TENM2: variants seen among roughly 807,000 people sequenced by gnomAD.
The protein encoded by TENM2 is teneurin-2.
In TENM2, 52 loss-of-function variants were observed where a neutral mutation model predicts 245.2. The ratio of observed to expected loss-of-function variants is 0.21; its 90% CI spans 0.17 to 0.27. TENM2 has a LOEUF of 0.27. Among genes scored for constraint, TENM2 ranks in the 10% least tolerant of loss-of-function variants. TENM2 has a pLI of 1.00. For missense variants in TENM2, 3,046 were observed against 3,666.8 expected (o/e 0.83, Z 4.37); for synonymous variants, 1,363 against 1,438.9 (o/e 0.95, Z 1.19).
chr5:167,637,060 G>A lies in TENM2; in HGVS notation c.503-238926G>A, dbSNP rs147147404. On this transcript the variant is annotated intron_variant, in intron 2 of 28. Coordinates refer to ENST00000518659, the Ensembl canonical transcript of TENM2. ...TTCATTGCCTCTGTTGCTCATGCAC[G>A]ATATGGGGGAAACAAAATCATCTAT... is the stretch of plus-strand genomic sequence containing the variant. Among the ~76,000 whole-genome samples the A allele has an allele frequency of 3.2e-3, 480 of 152,210 alleles. 2 individuals are homozygous for A. The highest frequency in any genetic ancestry group is 6.0e-3 in the Non-Finnish European group (407 of 68,014).
intron 2 of TENM2, among the ~76,000 whole-genome samples, chr5:167,661,576 A>C (rs1236315680): frequency 6.6e-6 from 1 of 152,226 alleles, no homozygotes; most frequent in Non-Finnish European, 1.5e-5. Context: ...TTCACAAACT[A>C]TACATCTTAT....
intron 23 of TENM2, among the ~76,000 whole-genome samples, chr5:168,223,570 C>T (rs1444857999): frequency 4.6e-5 from 7 of 150,578 alleles, no homozygotes; most frequent in South Asian, 2.1e-4. Context: ...CAGGTTCAAG[C>T]GATTCTCCTG....
chr5:167,360,011 G>A (rs1397372917), intron 1 of TENM2, among the ~76,000 whole-genome samples: 1 of 152,146 alleles, frequency 6.6e-6, no homozygotes, highest in Non-Finnish European at 1.5e-5. Flanking sequence ...AGACACTGGG[G>A]TCTACCTCAG....
the TENM2 span, among the ~76,000 whole-genome samples, chr5:166,998,788 C>T: frequency 5.9e-5 from 9 of 152,174 alleles, no homozygotes; most frequent in South Asian, 4.2e-4. Flanking sequence ...TTAAGAAATT[C>T]GATTCTTTGG....
intron 2 of TENM2, among the ~76,000 whole-genome samples, chr5:167,541,552 T>C (rs146686605): frequency 1.3e-5 from 2 of 152,282 alleles, no homozygotes; most frequent in East Asian, 1.9e-4. Context: ...TAAAGAGAGA[T>C]AGCCGTCTCA....
chr5:167,469,417 T>C (rs919010994), intron 2 of TENM2, among the ~76,000 whole-genome samples: 4 of 152,164 alleles, frequency 2.6e-5, no homozygotes, highest in South Asian at 4.1e-4. Flanking sequence ...ATTAAATTAA[T>C]GTTATAAATC....
intron 2 of TENM2, among the ~76,000 whole-genome samples, chr5:167,420,079 T>C (rs557935907): frequency 6.6e-6 from 1 of 152,328 alleles, no homozygotes; most frequent in African/African-American, 2.4e-5. Flanking sequence ...GTTTTATACT[T>C]TGCAAAAGGT....
the TENM2 span, among the ~76,000 whole-genome samples, chr5:167,050,667 G>T: frequency 6.6e-6 from 1 of 152,112 alleles, no homozygotes; most frequent in Non-Finnish European, 1.5e-5. Flanking sequence ...CAGAGAGGGG[G>T]CGCTGCTCAG....
At chr5:167,057,491 G>T in the TENM2 span, among the ~76,000 whole-genome samples, 9 of 152,216 alleles carry the variant, frequency 5.9e-5, no homozygotes, top group African/African-American at 2.2e-4. Context: ...CAGGAGAGGG[G>T]TGTTTTATAT....
chr5:168,039,880 G>A (rs1184784697), intron 5 of TENM2, among the ~76,000 whole-genome samples: 1 of 152,034 alleles, frequency 6.6e-6, no homozygotes, highest in Non-Finnish European at 1.5e-5. Context: ...ACCTGCAGCA[G>A]CGGGTTCCAG....
chr5:167,982,957 G>A (rs1235726543), intron 4 of TENM2, among the ~76,000 whole-genome samples: 2 of 152,264 alleles, frequency 1.3e-5, no homozygotes, highest in African/African-American at 4.8e-5. Flanking sequence ...GTCTGAGGGT[G>A]TGCATTTTTT....
intron 3 of TENM2, among the ~76,000 whole-genome samples, chr5:167,883,675 C>T (rs1469933702): frequency 3.9e-5 from 6 of 152,168 alleles, no homozygotes; most frequent in Non-Finnish European, 8.8e-5. Context: ...AAAAGATGTC[C>T]TAGGCAAGCC....
intron 2 of TENM2, among the ~76,000 whole-genome samples, chr5:167,429,607 CTTTT>C (rs10587909): frequency 5.1e-5 from 4 of 78,704 alleles, no homozygotes; most frequent in Non-Finnish European, 2.4e-5. Flanking sequence ...CTCTCTCTCT[CTTTT>C]TTTTTTTTTT....
chr5:167,445,336 T>TATAG (rs368881390), intron 2 of TENM2, among the ~76,000 whole-genome samples: 1,077 of 77,064 alleles, frequency 0.014, 6 homozygotes, highest in Non-Finnish European at 0.018. Flanking sequence ...TATATATATA[T>TATAG]AGAGAGAGAG....
the TENM2 span, among the ~76,000 whole-genome samples, chr5:167,115,176 C>G: frequency 6.6e-6 from 1 of 152,100 alleles, no homozygotes; most frequent in African/African-American, 2.4e-5. Flanking sequence ...GGAAAGATCA[C>G]AGGAAGGAGA....
intron 6 of TENM2, among the ~76,000 whole-genome samples, chr5:168,052,759 G>A (rs866855126): frequency 5.9e-5 from 9 of 151,762 alleles, no homozygotes; most frequent in South Asian, 4.2e-4. Context: ...TACCATTCTC[G>A]GTTTATAACT....
chr5:167,972,367 A>G (rs945256908), intron 4 of TENM2, among the ~76,000 whole-genome samples: 4 of 152,214 alleles, frequency 2.6e-5, no homozygotes, highest in African/African-American at 9.7e-5. Flanking sequence ...ATATTGTGGA[A>G]GCATTTTCAG....
intron 2 of TENM2, among the ~76,000 whole-genome samples, chr5:167,736,109 C>A (rs971817599): frequency 2.0e-5 from 3 of 152,008 alleles, no homozygotes; most frequent in African/African-American, 7.2e-5. Flanking sequence ...AGGAAACTTA[C>A]AATCATGGTG....
Position 167,496,166 on chromosome 5 carries a change from G to C in TENM2, c.502+120693G>C, listed in dbSNP as rs192994666. The stretch of plus-strand genomic sequence containing the variant: ...ACTTCCAGGGTAGTGTTGTAATTTG[G>C]ATGTGATTCATTTCAGTCCATTGCT... On this transcript the variant is annotated intron_variant, in intron 2 of 28. Coordinates refer to ENST00000518659, the Ensembl canonical transcript of TENM2. 1.4e-4 allele frequency among the ~76,000 whole-genome samples: 21 copies of C among 152,142 alleles called. 1 individual carries two copies. In the East Asian group the frequency reaches 4.1e-3, roughly 29 times the overall value.
Sources: allele counts gnomAD v4.1 joint callset (sites outside exome capture counted in the v4.1 genomes callset), GRCh38; gene constraint gnomAD v4.1.1; transcripts MANE v1.5; gene names NCBI Gene and HGNC (gene_info 2026-07-23, HGNC 2026-07-21).